CRYGN: variants seen among roughly 807,000 people sequenced by gnomAD.
CRYGN encodes the protein gamma-crystallin N.
CRYGN carries 17 observed loss-of-function variants against 19.2 expected under a neutral mutation model. The observed-to-expected ratio is 0.89, with a 90% CI of 0.61 to 1.33. The LOEUF (loss-of-function observed/expected upper bound fraction) is 1.33, where lower values mean the gene tolerates loss of function less well. CRYGN is among the 40% of genes most tolerant of loss of function. The pLI, the probability that CRYGN is intolerant of heterozygous loss-of-function variation, is 0.00. For synonymous variants in CRYGN, 84 were observed against 85.8 expected, an observed-to-expected ratio of 0.98 and a Z score of 0.12; for missense variants, 239 against 239.6, an observed-to-expected ratio of 1.00 and a Z score of 0.02.
rs570549967 is a variant in CRYGN at position 151,432,250 on chromosome 7, C to T, written c.417-2070G>A. 28 of 1,231,020 alleles carry T rather than the reference C, an allele frequency of 2.3e-5. 1 individual carries two copies. The Admixed American group carries it at 6.3e-4, about 28-fold the overall frequency. 76.3% of individuals were successfully genotyped at this position (1,231,020 alleles called of 1,614,324 possible). On this transcript the variant is annotated intron_variant, in intron 3 of 3. Coordinates refer to ENST00000337323, the MANE Select transcript of CRYGN (RefSeq NM_144727.3). Reference sequence around the variant, plus strand: ...GTCGCCACTCTCCACCACGTACATGCGGCCGTGGTAGTTGGGCTCCTCATA... The same window carrying T: ...GTCGCCACTCTCCACCACGTACATGTGGCCGTGGTAGTTGGGCTCCTCATA...
In CRYGN at chr7:151,430,128, G is replaced by T. The variant is rs567161102; in HGVS notation, c.469C>A (p.Leu157Ile). ...TCTTCCGGTCCTTGATCTGATTGAA[G>T]AGAGCTGCTCAGCTGGAAGTCCTCA... ...GAEDFQLSSS[L>I]QSDQGPEEAT... is the part of the protein sequence containing the mutation. The change falls in exon 4 of 4, where the codon CTT becomes ATT. Residue 157 changes from leucine to isoleucine, a missense_variant. Leu to Ile is a conservative substitution (Grantham distance 5). Transcript: ENST00000337323. This position sits in a 1 kb window ranked among gnomAD's most constrained non-coding sequence, Gnocchi z 5.2. 5 of 1,611,386 alleles carry T rather than the reference G, an allele frequency of 3.1e-6. No individual in the cohort carries two copies. The African/African-American group carries it at 6.7e-5, about 21-fold the overall frequency.
chr7:151,440,279 C>T, upstream of CRYGN: 1 of 362,398 alleles, frequency 2.8e-6, no homozygotes, highest in Non-Finnish European at 4.9e-6. Flanking sequence ...GCCCCTCAGC[C>T]CTCACGCCCA....
rs904730221 is a variant in CRYGN, at chr7:151,430,778, G to C, written c.417-598C>G. The stretch of plus-strand genomic sequence containing the variant: ...ACCCCTCCATCTACTCAGAAAACTG[G>C]AGTAAGATGTATGGTGAGGAGGACC... On this transcript the variant is annotated intron_variant, in intron 3 of 3. Coordinates refer to ENST00000337323, the MANE Select transcript of CRYGN (RefSeq NM_144727.3). The surrounding 1 kb of genome is among the most constrained non-coding windows in gnomAD (Gnocchi z 5.2). 6.6e-6 allele frequency among the ~76,000 whole-genome samples: 1 copy of C among 152,212 alleles called. No individual in the cohort carries two copies. Among genetic ancestry groups the C allele is most frequent in the African/African-American group, 2.4e-5 (1 of 41,454 alleles).
intron 1 of CRYGN, 70 bp downstream of exon 1, chr7:151,439,827 T>A: frequency 1.4e-6 from 2 of 1,473,184 alleles, no homozygotes; most frequent in Non-Finnish European, 1.8e-6. Context: ...TGCACCCTCC[T>A]GCATCCCCTA....
Position 151,429,097 on chromosome 7 carries a change from G to A in CRYGN, c.*951C>T, listed in dbSNP as rs1801410139. ...TCCCAAGGACCTGGACTGAACCGGT[G>A]GGGCCTGCAGTTCTCATTTCATTCC... On this transcript the variant is annotated 3_prime_UTR_variant, in exon 4 of 4. Coordinates refer to ENST00000337323, the MANE Select transcript of CRYGN (RefSeq NM_144727.3). 6.6e-6 allele frequency: 1 copy of A among 152,664 alleles called. No individual in the cohort carries two copies. Among genetic ancestry groups the A allele is most frequent in the South Asian group, 2.1e-4 (1 of 4,838 alleles). 9.5% of individuals were successfully genotyped at this position (152,664 alleles called of 1,614,324 possible). A position where few individuals can be genotyped will look rare whatever the true frequency, so the allele number is the denominator to read the frequency against.
chr7:151,434,182 T>G (rs1445471497), intron 3 of CRYGN, among the ~76,000 whole-genome samples: 1 of 152,156 alleles, frequency 6.6e-6, no homozygotes, highest in African/African-American at 2.4e-5. Context: ...GCTGAGCTCC[T>G]GGGTCCCCCA....
At chr7:151,438,393 C>T (rs1249464074) in intron 1 of CRYGN, 149 bp from the exon 2 acceptor site, 1 of 747,588 alleles carries the variant, frequency 1.3e-6, no homozygotes, top group African/African-American at 1.8e-5. Flanking sequence ...GTGCCCAACA[C>T]TATTTGCCAA....
At chr7:151,432,864 C>A (rs960372321) in intron 3 of CRYGN, among the ~76,000 whole-genome samples, 1 of 152,202 alleles carries the variant, frequency 6.6e-6, no homozygotes, top group African/African-American at 2.4e-5. Flanking sequence ...CAGACAGTAC[C>A]CCCAGCACCT....
At chr7:151,432,017 C>T (rs1042690285) in intron 3 of CRYGN, 11 of 410,712 alleles carry the variant, frequency 2.7e-5, no homozygotes, top group South Asian at 1.4e-4. Context: ...TGCCCACTGC[C>T]GAGAGAGCAC....
At position 151,436,738 on chromosome 7, in the gene CRYGN, A is replaced by AT. The variant is rs1240024233; in HGVS notation, c.271-414dup. 1 of 156,316 alleles carries AT rather than the reference A, an allele frequency of 6.4e-6. No homozygotes were observed. 9.7% of individuals were successfully genotyped at this position (156,316 alleles called of 1,614,324 possible). The stretch of plus-strand genomic sequence containing the variant: ...CTTCCCCACCCCTGGGCCACAGCCC[A>AT]TGGGCAAGCCTTCAAATGATAACAT... On this transcript the variant is annotated intron_variant, in intron 2 of 3. Transcript: ENST00000337323. This position sits in a 1 kb window ranked among gnomAD's most constrained non-coding sequence, Gnocchi z 5.1.
Position 151,439,978 on chromosome 7 carries a change from C to G in CRYGN, c.-61G>C. ...ACCGGGCAGCGCCCTGCTGGCTCAG[C>G]GCCGCCCCGGACAAAAGATTTGCTG... On this transcript the variant is annotated 5_prime_UTR_variant, in exon 1 of 4. Transcript: ENST00000337323. The G allele has an allele frequency of 6.8e-7, 1 of 1,461,164 alleles. No homozygotes were observed. The highest frequency in any genetic ancestry group is 9.1e-7 in the Non-Finnish European group (1 of 1,102,960). 90.5% of individuals were successfully genotyped at this position (1,461,164 alleles called of 1,614,324 possible).
Position 151,429,490 on chromosome 7 carries a change from A to G in CRYGN, c.*558T>C, listed in dbSNP as rs1457727170. Reference sequence around the variant, plus strand: ...TTTGCGCCAAATTCATGACAAAAATATATCTAAATATGCAAATGTGTGGTG... The same window carrying G: ...TTTGCGCCAAATTCATGACAAAAATGTATCTAAATATGCAAATGTGTGGTG... On this transcript the variant is annotated 3_prime_UTR_variant, in exon 4 of 4. Coordinates refer to ENST00000337323, the MANE Select transcript of CRYGN (RefSeq NM_144727.3). The G allele has an allele frequency of 6.1e-6, 1 of 162,802 alleles. No individual in the cohort carries two copies. The highest frequency in any genetic ancestry group is 1.4e-5 in the Non-Finnish European group (1 of 73,320). The allele number at this position is 162,802 out of a possible 1,614,324, so 10.1% of individuals were successfully genotyped here. A position where few individuals can be genotyped will look rare whatever the true frequency, so the allele number is the denominator to read the frequency against.
intron 3 of CRYGN, chr7:151,432,053 G>A (rs1801481172): frequency 2.0e-6 from 1 of 507,280 alleles, no homozygotes; most frequent in Non-Finnish European, 3.1e-6. Flanking sequence ...TGGCTTTGAG[G>A]ACTTTTATCG....
upstream of CRYGN, chr7:151,440,338 T>G: frequency 4.4e-6 from 1 of 229,398 alleles, no homozygotes; most frequent in Non-Finnish European, 8.4e-6. Context: ...CCACTCCCCT[T>G]TCTCACCTGG....
chr7:151,432,318 C>T, intron 3 of CRYGN: 1 of 1,162,514 alleles, frequency 8.6e-7, no homozygotes, highest in Non-Finnish European at 1.1e-6. Context: ...TCAGGGGCTG[C>T]CAGGAAGTCC....
At chr7:151,437,656 C>A (rs539645661) in intron 2 of CRYGN, among the ~76,000 whole-genome samples, 18 of 152,332 alleles carry the variant, frequency 1.2e-4, no homozygotes, top group Non-Finnish European at 2.4e-4. Flanking sequence ...AAATCAGCCT[C>A]CCATTGGCGG....
Position 151,438,082 on chromosome 7 carries a change from A to ACTG in CRYGN, c.181_183dup (p.Gln61dup). ...GGGTAGTCGCCGTGCTCCAAGATGAACTGCTGGCCCCGGAAGTCGGGGTGA... is the reference window on the plus strand; with the variant it reads ...GGGTAGTCGCCGTGCTCCAAGATGAACTGCTGCTGGCCCCGGAAGTCGGGGTGA... On this transcript the variant is annotated inframe_insertion, in exon 2 of 4. Coordinates refer to ENST00000337323, the MANE Select transcript of CRYGN (RefSeq NM_144727.3). The ACTG allele has an allele frequency of 1.2e-6, 2 of 1,613,960 alleles. No individual in the cohort carries two copies. Among genetic ancestry groups the ACTG allele is most frequent in the Non-Finnish European group, 1.7e-6 (2 of 1,179,980 alleles).
rs1248533666 is a variant in CRYGN at position 151,436,662 on chromosome 7, T to C, written c.271-337A>G. On this transcript the variant is annotated intron_variant, in intron 2 of 3. Transcript: ENST00000337323. The surrounding 1 kb of genome is among the most constrained non-coding windows in gnomAD (Gnocchi z 5.1). ...GGGTCACGGGGCTCCCTCTGGGTGC[T>C]CAGCGTGGGGGACTCCGGCCCTGAT... Among the ~76,000 whole-genome samples, 1 of 152,138 alleles carries C rather than the reference T, an allele frequency of 6.6e-6. No homozygotes were observed. The highest frequency in any genetic ancestry group is 2.4e-5 in the African/African-American group (1 of 41,424).
In CRYGN at chr7:151,436,433, G is replaced by A. The variant is rs1801611357; in HGVS notation, c.271-108C>T. On this transcript the variant is annotated intron_variant, in intron 2 of 3. Coordinates refer to ENST00000337323, the MANE Select transcript of CRYGN (RefSeq NM_144727.3). The surrounding 1 kb of genome is among the most constrained non-coding windows in gnomAD (Gnocchi z 5.1). ...GGAATTAGGAGGTACCCAAGGCACT[G>A]GGCACCCCCACCCCACACACTTCAA... 8.1e-6 allele frequency: 8 copies of A among 982,746 alleles called. No individual in the cohort carries two copies. Among genetic ancestry groups the A allele is most frequent in the African/African-American group, 1.7e-5 (1 of 59,392 alleles). 60.9% of individuals were successfully genotyped at this position (982,746 alleles called of 1,614,324 possible).
Sources: gnomAD v4.1 joint callset for allele counts (sites outside exome capture counted in the v4.1 genomes callset) on GRCh38, gnomAD v4.1.1 for gene constraint, Gnocchi (gnomAD v3.1) non-coding constraint, MANE v1.5 for transcripts, NCBI Gene and HGNC (gene_info 2026-07-23, HGNC 2026-07-21) for gene names.